The following SMYD1 variants were observed in gnomAD, a reference collection of about 807,000 sequenced individuals.
SMYD1 encodes histone-lysine N-methyltransferase SMYD1.
SMYD1 carries 49 observed loss-of-function variants against 54.0 expected under a neutral mutation model. The ratio of observed to expected loss-of-function variants is 0.91; its 90% confidence interval spans 0.72 to 1.15. The LOEUF (loss-of-function observed/expected upper bound fraction) is 1.15, where lower values mean the gene tolerates loss of function less well. Among genes scored for constraint, SMYD1 ranks in the 50% most tolerant of loss-of-function variants. The pLI is 0.00. For synonymous variants in SMYD1, 269 were observed against 234.2 expected (o/e 1.15, Z -1.36); for missense variants, 653 against 639.6 (o/e 1.02, Z -0.23).
rs776641982 is a variant in SMYD1 at position 88,091,025 on chromosome 2, G to A, written c.542G>A (p.Gly181Asp). The A allele has an allele frequency of 5.6e-6, 9 of 1,613,718 alleles. No homozygotes were observed. Among genetic ancestry groups the A allele is most frequent in the Non-Finnish European group, 7.6e-6 (9 of 1,179,822 alleles). Residue 181 changes from glycine (G) to aspartate (D), a missense_variant, in exon 4 of 10, where the codon GGT becomes GAT. Gly to Asp is a moderately conservative substitution (Grantham distance 94). Transcript: ENST00000419482. ...TCCCCTGGGTAGATTAACTGCAACG[G>A]TTTTACTCTCAGTGATCAGAGAGGC... Reference protein sequence around the residue: ...SHIFGVINCNGFTLSDQRGLQ... With the variant: ...SHIFGVINCNDFTLSDQRGLQ...
chr2:88,092,049 C>T (rs1013089416), intron 4 of SMYD1, among the ~76,000 whole-genome samples: 3 of 152,204 alleles, frequency 2.0e-5, no homozygotes, highest in Non-Finnish European at 4.4e-5. Flanking sequence ...GGGCCCCCAA[C>T]AGCTCAGCTG....
intron 1 of SMYD1, among the ~76,000 whole-genome samples, chr2:88,081,855 A>G (rs956672879): frequency 1.6e-4 from 25 of 152,150 alleles, no homozygotes; most frequent in African/African-American, 6.0e-4. Flanking sequence ...GGGCACCATA[A>G]TTGTGAAGTG....
chr2:88,103,127 C>T lies in SMYD1; in HGVS notation c.958C>T (p.Arg320Cys), dbSNP rs146646005. Residue 320 changes from arginine to cysteine, a missense_variant, in exon 7 of 10, where the codon CGT becomes TGT. Arg to Cys is a radical substitution (Grantham distance 180). Transcript: ENST00000419482. ...TACATTGGAAAAGATAGACAAGGCT[C>T]GTTCCGAGGGTTTGTATCATGAGGT... ...KDTLEKIDKARSEGLYHEVVK... is the reference protein window; with the variant it reads ...KDTLEKIDKACSEGLYHEVVK... 145 of 1,613,384 alleles carry T rather than the reference C, an allele frequency of 9.0e-5. No individual in the cohort carries two copies. The highest frequency in any genetic ancestry group is 6.3e-4 in the Admixed American group (38 of 59,972).
chr2:88,108,272 G>A (rs1674928655), intron 8 of SMYD1, 99 bp from the exon 9 acceptor site: 2 of 1,231,052 alleles, frequency 1.6e-6, no homozygotes, highest in Non-Finnish European at 2.2e-6. Flanking sequence ...GGGGAAGACA[G>A]ATGGGCTTAA....
At chr2:88,084,291 A>T (rs1674268116) in intron 1 of SMYD1, 25 bp from the exon 2 acceptor site, 1 of 1,547,084 alleles carries the variant, frequency 6.5e-7, no homozygotes, top group African/African-American at 1.3e-5. Flanking sequence ...GCTCCCAATC[A>T]TGTGTCTTCT....
At chr2:88,107,648 G>A (rs909435363) in intron 8 of SMYD1, among the ~76,000 whole-genome samples, 5 of 152,186 alleles carry the variant, frequency 3.3e-5, no homozygotes, top group South Asian at 2.1e-4. Context: ...AATGGCGGGC[G>A]CCCCTCCCCC....
chr2:88,110,523 G>C lies in SMYD1; in HGVS notation c.*11G>C. On this transcript the variant is annotated 3_prime_UTR_variant, in exon 10 of 10. Transcript: ENST00000419482. ...CACAAGAAGCAATGAGGACTGCCCAGTGGAGGAGGGGCGATGTGGCTGGGG... is the reference window on the plus strand; with the variant it reads ...CACAAGAAGCAATGAGGACTGCCCACTGGAGGAGGGGCGATGTGGCTGGGG... 6.4e-7 allele frequency: 1 copy of C among 1,552,396 alleles called. No individual in the cohort carries two copies. The highest frequency in any genetic ancestry group is 8.7e-7 in the Non-Finnish European group (1 of 1,145,198).
At chr2:88,104,650 G>A (rs898830303) in intron 7 of SMYD1, among the ~76,000 whole-genome samples, 12 of 152,216 alleles carry the variant, frequency 7.9e-5, no homozygotes, top group Admixed American at 3.9e-4. Flanking sequence ...CCGCCACCTC[G>A]GGGTGGCCCC....
At chr2:88,070,072 T>G (rs781701670) in intron 1 of SMYD1, among the ~76,000 whole-genome samples, 3 of 152,114 alleles carry the variant, frequency 2.0e-5, no homozygotes, top group Non-Finnish European at 2.9e-5. Context: ...AGTGGGATAA[T>G]TGGTATAAAT....
intron 8 of SMYD1, 42 bp from the exon 9 acceptor site, chr2:88,108,329 G>T (rs772246016): frequency 6.7e-7 from 1 of 1,499,976 alleles, no homozygotes; most frequent in East Asian, 2.5e-5. Flanking sequence ...CAGATATAAG[G>T]GTGATTGGTA....
At chr2:88,105,315 T>C (rs112073860) in intron 7 of SMYD1, among the ~76,000 whole-genome samples, 38 of 152,210 alleles carry the variant, frequency 2.5e-4, no homozygotes, top group Middle Eastern at 6.8e-3. Flanking sequence ...GTAGTACTCA[T>C]CTCAATGTGT....
At chr2:88,095,140 T>C (rs1055364864) in intron 5 of SMYD1, among the ~76,000 whole-genome samples, 9 of 152,156 alleles carry the variant, frequency 5.9e-5, no homozygotes, top group Non-Finnish European at 2.9e-5. Flanking sequence ...ATTTGTGAAA[T>C]GAGTGTCCCT....
At chr2:88,078,599 A>T (rs1197988995) in intron 1 of SMYD1, among the ~76,000 whole-genome samples, 1 of 150,618 alleles carries the variant, frequency 6.6e-6, no homozygotes, top group Non-Finnish European at 1.5e-5. Flanking sequence ...CTTAAAAAAA[A>T]TTTCAGACTA....
chr2:88,110,231 G>GTGTC, intron 9 of SMYD1, 123 bp from the exon 10 acceptor site: 1 of 975,706 alleles, frequency 1.0e-6, no homozygotes, highest in Non-Finnish European at 1.5e-6. Context: ...GTGTGTGTGT[G>GTGTC]TGTATTCTGA....
At position 88,104,545 on chromosome 2, in the gene SMYD1, T is replaced by A. The variant is rs567162568; in HGVS notation, c.981+1395T>A. Among the ~76,000 whole-genome samples, 56 of 152,336 alleles carry A rather than the reference T, an allele frequency of 3.7e-4. 1 individual carries two copies. The highest frequency in any genetic ancestry group is 4.6e-4 in the Admixed American group (7 of 15,306). ...GTTTCTTCTCCTTCTCCATTCAGAC[T>A]TGGCAGGGCTAGGTGTGGCTCTGGA... On this transcript the variant is annotated intron_variant, in intron 7 of 9. Transcript: ENST00000419482.
intron 2 of SMYD1, 125 bp downstream of exon 2, chr2:88,084,617 C>G (rs944957697): frequency 6.9e-6 from 6 of 868,284 alleles, no homozygotes; most frequent in Non-Finnish European, 1.0e-5. Flanking sequence ...GCCTCAAAGA[C>G]TGGATATGGT....
chr2:88,105,029 A>G (rs1424885829), intron 7 of SMYD1, among the ~76,000 whole-genome samples: 1 of 152,214 alleles, frequency 6.6e-6, no homozygotes, highest in Non-Finnish European at 1.5e-5. Flanking sequence ...GAGCCTCAGA[A>G]CCACCCAGGG....
At chr2:88,070,942 CAAAAAAAAAAA>C (rs61024525) in intron 1 of SMYD1, among the ~76,000 whole-genome samples, 4 of 60,130 alleles carry the variant, frequency 6.7e-5, no homozygotes, top group African/African-American at 2.5e-4. Flanking sequence ...GACTATTTCT[CAAAAAAAAAAA>C]AAAAAAAAAA....
In SMYD1 at chr2:88,079,769, C is replaced by T. The variant is rs562908725; in HGVS notation, c.138-4547C>T. Among the ~76,000 whole-genome samples the T allele has an allele frequency of 1.9e-4, 29 of 152,180 alleles. 1 individual carries two copies. Among genetic ancestry groups the T allele is most frequent in the African/African-American group, 6.0e-4 (25 of 41,518 alleles). On this transcript the variant is annotated intron_variant, in intron 1 of 9. Coordinates refer to ENST00000419482, the MANE Select transcript of SMYD1 (RefSeq NM_198274.4). ...CCAGGAGGCGGAGGTTGCAGTGAGC[C>T]GAGATCATGTCATTGCACTCCAGCC... is the stretch of plus-strand genomic sequence containing the variant.
Sources: gnomAD v4.1 joint callset for allele counts (sites outside exome capture counted in the v4.1 genomes callset) on GRCh38, gnomAD v4.1.1 for gene constraint, MANE v1.5 for transcripts, NCBI Gene and HGNC (gene_info 2026-07-23, HGNC 2026-07-21) for gene names.